CDC42BPA: variants seen among roughly 807,000 people sequenced by gnomAD.
The protein encoded by CDC42BPA is serine/threonine-protein kinase MRCK alpha.
A neutral mutation model predicts 223.5 loss-of-function variants in CDC42BPA; 80 were observed. The observed-to-expected ratio is 0.36, with a 90% CI of 0.30 to 0.43. The LOEUF (loss-of-function observed/expected upper bound fraction) is 0.43. CDC42BPA is among the 20% of genes least tolerant of loss of function. CDC42BPA has a pLI of 1.00. For synonymous variants in CDC42BPA, 694 were observed against 718.6 expected (o/e 0.97, Z 0.55); for missense variants, 1,743 against 2,099.9 (o/e 0.83, Z 3.32).
chr1:227,020,757 A>G (rs1277816719), intron 32 of CDC42BPA, among the ~76,000 whole-genome samples: 2 of 152,190 alleles, frequency 1.3e-5, no homozygotes, highest in East Asian at 3.9e-4. Flanking sequence ...TCTTTCAAGA[A>G]CTTTTCCTTT....
At chr1:227,308,947 T>C (rs1296039052) in intron 1 of CDC42BPA, among the ~76,000 whole-genome samples, 1 of 152,196 alleles carries the variant, frequency 6.6e-6, no homozygotes, top group Non-Finnish European at 1.5e-5. Context: ...CTGAAATAAT[T>C]CACAATCTTT....
intron 6 of CDC42BPA, among the ~76,000 whole-genome samples, chr1:227,148,215 G>A (rs1661042954): frequency 6.6e-6 from 1 of 152,096 alleles, no homozygotes; most frequent in Non-Finnish European, 1.5e-5. Flanking sequence ...AGCACTTTGG[G>A]AAGCCAATGT....
intron 12 of CDC42BPA, 104 bp from the exon 13 acceptor site, chr1:227,113,017 C>T: frequency 2.0e-6 from 2 of 1,011,348 alleles, no homozygotes; most frequent in South Asian, 3.1e-5. Context: ...CAAAATTATT[C>T]ACCTTAGGAC....
At chr1:227,193,660 A>G in intron 5 of CDC42BPA, 126 bp downstream of exon 5, 4 of 775,290 alleles carry the variant, frequency 5.2e-6, no homozygotes, top group Non-Finnish European at 7.8e-6. Context: ...TCATCTCAAA[A>G]TAATTTTTTT....
At chr1:227,259,637 T>C (rs902867559) in intron 1 of CDC42BPA, among the ~76,000 whole-genome samples, 3 of 150,866 alleles carry the variant, frequency 2.0e-5, no homozygotes, top group Non-Finnish European at 4.4e-5. Flanking sequence ...AAGGTACATA[T>C]TATTAACCCT....
chr1:227,132,524 C>T (rs1001896992), intron 10 of CDC42BPA, among the ~76,000 whole-genome samples: 2 of 138,286 alleles, frequency 1.4e-5, no homozygotes, highest in Admixed American at 1.4e-4. Context: ...CCCAAAGAGC[C>T]GAGATTGCAG....
intron 11 of CDC42BPA, among the ~76,000 whole-genome samples, chr1:227,127,385 T>A (rs1000289084): frequency 4.6e-5 from 7 of 152,220 alleles, no homozygotes; most frequent in African/African-American, 1.7e-4. Context: ...ATATTTTACA[T>A]CAATACCATC....
At chr1:227,042,142 G>T (rs1202124351) in intron 23 of CDC42BPA, among the ~76,000 whole-genome samples, 6 of 152,006 alleles carry the variant, frequency 3.9e-5, no homozygotes, top group Non-Finnish European at 8.8e-5. Context: ...TACAAAGAAG[G>T]AAAAATTAAT....
chr1:227,218,779 C>T (rs1002145946), intron 2 of CDC42BPA, among the ~76,000 whole-genome samples: 3 of 152,128 alleles, frequency 2.0e-5, no homozygotes, highest in Admixed American at 2.0e-4. Context: ...ACTGTATCTG[C>T]ATTTTTAAAA....
At chr1:227,046,053 G>A (rs1009099911) in intron 23 of CDC42BPA, among the ~76,000 whole-genome samples, 7 of 152,026 alleles carry the variant, frequency 4.6e-5, no homozygotes, top group African/African-American at 7.2e-5. Context: ...CAATCAGCCC[G>A]CCTAAGCCTC....
intron 21 of CDC42BPA, 198 bp downstream of exon 21, chr1:227,069,579 G>A (rs1021640905): frequency 2.6e-6 from 1 of 391,340 alleles, no homozygotes; most frequent in African/African-American, 2.1e-5. Context: ...TTTCTTAGAT[G>A]TTTTGTTAAA....
intron 23 of CDC42BPA, among the ~76,000 whole-genome samples, chr1:227,044,647 G>C (rs1410903243): frequency 6.6e-6 from 1 of 152,090 alleles, no homozygotes; most frequent in African/African-American, 2.4e-5. Context: ...TTTGATTTGA[G>C]ACGTTATCTG....
rs528298481 is a variant in CDC42BPA at position 227,208,644 on chromosome 1, T to C, written c.354+4492A>G. On this transcript the variant is annotated intron_variant, in intron 3 of 36. Coordinates refer to ENST00000366766, the MANE Select transcript of CDC42BPA (RefSeq NM_001394014.1). Reference sequence around the variant, plus strand: ...TCCCCATTGCTTGTTTTTCTCAGGTTTGTCAAAGATCAGATAGTTGTAGAT... The same window carrying C: ...TCCCCATTGCTTGTTTTTCTCAGGTCTGTCAAAGATCAGATAGTTGTAGAT... 1.4e-4 allele frequency among the ~76,000 whole-genome samples: 21 copies of C among 149,196 alleles called. No homozygotes were observed. The East Asian group carries it at 2.4e-3, about 17-fold the overall frequency.
chr1:227,223,421 A>G (rs1676285413), intron 2 of CDC42BPA, among the ~76,000 whole-genome samples: 1 of 152,208 alleles, frequency 6.6e-6, no homozygotes, highest in African/African-American at 2.4e-5. Flanking sequence ...AAATACAGAT[A>G]ACAGGGGAAC....
intron 5 of CDC42BPA, among the ~76,000 whole-genome samples, chr1:227,175,088 T>C (rs1268804653): frequency 6.6e-6 from 1 of 152,178 alleles, no homozygotes; most frequent in Non-Finnish European, 1.5e-5. Context: ...TGGAACACAG[T>C]GAAGATGAAA....
In CDC42BPA at chr1:227,150,709, A is replaced by AAGG. The variant is rs569386920; in HGVS notation, c.694-3153_694-3151dup. On this transcript the variant is annotated intron_variant, in intron 6 of 36. Transcript: ENST00000366766. Reference sequence around the variant, plus strand: ...TTAATTGGATAACATAATGAAGAAGAAGGAGGACAAGGACTAGAAAAAGAG... The same window carrying AAGG: ...TTAATTGGATAACATAATGAAGAAGAAGGAGGAGGACAAGGACTAGAAAAAGAG... Among the ~76,000 whole-genome samples the AAGG allele has an allele frequency of 8.5e-5, 13 of 152,240 alleles. 2 individuals are homozygous for AAGG. The highest frequency in any genetic ancestry group is 8.5e-4 in the Admixed American group (13 of 15,292).
At chr1:227,026,698 A>C (rs7549465) in intron 30 of CDC42BPA, among the ~76,000 whole-genome samples, 60,579 of 151,678 alleles carry the variant, frequency 0.4, 12,465 homozygotes, top group Non-Finnish European at 0.46. Flanking sequence ...GAATTATTGA[A>C]AGAGCTACAC....
At chr1:227,114,272 A>G (rs1687427540) in intron 12 of CDC42BPA, among the ~76,000 whole-genome samples, 1 of 152,050 alleles carries the variant, frequency 6.6e-6, no homozygotes, top group South Asian at 2.1e-4. Flanking sequence ...GACTAAGAAC[A>G]GACACTGAAG....
At chr1:227,297,981 C>CATATATACATATATATACAT (rs577469160) in intron 1 of CDC42BPA, among the ~76,000 whole-genome samples, 1 of 139,400 alleles carries the variant, frequency 7.2e-6, no homozygotes, top group Non-Finnish European at 1.5e-5. Flanking sequence ...CACACACACA[C>CATATATACATATATATACAT]ATATATACAT....
Sources: allele counts gnomAD v4.1 joint callset (sites outside exome capture counted in the v4.1 genomes callset), GRCh38; gene constraint gnomAD v4.1.1; transcripts MANE v1.5; gene names NCBI Gene and HGNC (gene_info 2026-07-23, HGNC 2026-07-21).